The following SNTG1 variants were observed in gnomAD, a reference collection of about 807,000 sequenced individuals.
SNTG1 encodes gamma-1-syntrophin.
In SNTG1, 39 loss-of-function variants were observed where a neutral mutation model predicts 74.7. The ratio of observed to expected loss-of-function variants is 0.52; its 90% CI spans 0.40 to 0.68. The LOEUF is 0.68. SNTG1 is among the 30% of genes least tolerant of loss of function. The pLI is 0.00. For missense variants in SNTG1, 685 were observed against 609.5 expected (o/e 1.12, Z -1.30); for synonymous variants, 254 against 217.1 (o/e 1.17, Z -1.49).
chr8:50,650,836 G>C (rs866086945), intron 13 of SNTG1, among the ~76,000 whole-genome samples: 5 of 152,018 alleles, frequency 3.3e-5, no homozygotes, highest in Non-Finnish European at 7.4e-5. Context: ...GAGCAGCTGG[G>C]ATTACAAGCA....
chr8:50,060,103 G>T (rs2130930501), intron 1 of SNTG1, among the ~76,000 whole-genome samples: 1 of 152,244 alleles, frequency 6.6e-6, no homozygotes, highest in East Asian at 1.9e-4. Context: ...GATGGCTAAT[G>T]ATGGGAAGCA....
rs2081089323 is a variant in SNTG1 at position 50,124,697 on chromosome 8, A to G, written c.-102-47864A>G. On this transcript the variant is annotated intron_variant, in intron 1 of 18. Transcript: ENST00000642720. ...TAAGACAGAAAATGATCCTGTTCCCATGCCAAATTACCTCCAAGGGCTTTC... is the reference window on the plus strand; with the variant it reads ...TAAGACAGAAAATGATCCTGTTCCCGTGCCAAATTACCTCCAAGGGCTTTC... 1.4e-5 allele frequency among the ~76,000 whole-genome samples: 2 copies of G among 141,176 alleles called. 1 individual carries two copies. The highest frequency in any genetic ancestry group is 1.5e-4 in the Admixed American group (2 of 13,568). 92.6% of individuals were successfully genotyped at this position (141,176 alleles called of 152,430 possible).
chr8:50,337,160 A>C (rs938293482), intron 2 of SNTG1, among the ~76,000 whole-genome samples: 1 of 152,214 alleles, frequency 6.6e-6, no homozygotes, highest in African/African-American at 2.4e-5. Context: ...TCTTCTCTGC[A>C]TCAAGAACAA....
intron 15 of SNTG1, among the ~76,000 whole-genome samples, chr8:50,692,971 C>CCTTG (rs2095388502): frequency 6.6e-6 from 1 of 152,162 alleles, no homozygotes; most frequent in African/African-American, 2.4e-5. Context: ...CCTCCCCAAG[C>CCTTG]CTTGCTGCCA....
At chr8:50,188,983 G>C (rs1035039236) in intron 2 of SNTG1, among the ~76,000 whole-genome samples, 2 of 152,122 alleles carry the variant, frequency 1.3e-5, no homozygotes, top group African/African-American at 4.8e-5. Context: ...TGTGTTCTGG[G>C]CCTCACCCAG....
chr8:50,284,714 C>T (rs570370492), intron 2 of SNTG1, among the ~76,000 whole-genome samples: 7 of 152,014 alleles, frequency 4.6e-5, no homozygotes, highest in Admixed American at 1.3e-4. Flanking sequence ...TTCATTGTGG[C>T]TCACTGACAG....
rs185007785 is a variant in SNTG1, at chr8:50,314,879, C to T, written c.-27-79333C>T. The stretch of plus-strand genomic sequence containing the variant: ...TTTACTTTACCTAGTGTTGTAAGCA[C>T]TGGTGAACTTTTCTGTCTACTAGGT... On this transcript the variant is annotated intron_variant, in intron 2 of 18. Transcript: ENST00000642720. Among the ~76,000 whole-genome samples the T allele has an allele frequency of 2.0e-5, 3 of 149,808 alleles. No individual in the cohort carries two copies. In the East Asian group the frequency reaches 5.9e-4, roughly 30 times the overall value.
intron 1 of SNTG1, among the ~76,000 whole-genome samples, chr8:50,091,107 TA>T (rs1182811439): frequency 2.0e-5 from 3 of 152,098 alleles, no homozygotes; most frequent in Non-Finnish European, 2.9e-5. Context: ...TATTTGGTAA[TA>T]AAAATATATT....
chr8:50,730,498 G>C (rs2095510397), intron 17 of SNTG1, among the ~76,000 whole-genome samples: 1 of 152,118 alleles, frequency 6.6e-6, no homozygotes, highest in Non-Finnish European at 1.5e-5. Context: ...AAAGCTTTAT[G>C]CATTAACGAA....
chr8:50,028,357 GT>G (rs572286468), intron 1 of SNTG1, among the ~76,000 whole-genome samples: 3 of 152,032 alleles, frequency 2.0e-5, no homozygotes, highest in South Asian at 4.2e-4. Context: ...TTTAACCACT[GT>G]TTTTTTCCCA....
At chr8:50,157,788 A>T (rs1322778386) in intron 1 of SNTG1, among the ~76,000 whole-genome samples, 1 of 152,234 alleles carries the variant, frequency 6.6e-6, no homozygotes, top group East Asian at 1.9e-4. Context: ...CAGCACTGAG[A>T]CCTTTCCTGT....
chr8:50,713,182 A>G (rs2095466564), intron 17 of SNTG1, among the ~76,000 whole-genome samples: 1 of 152,140 alleles, frequency 6.6e-6, no homozygotes, highest in Non-Finnish European at 1.5e-5. Context: ...TGACTTTTCA[A>G]TGATCCCCAT....
chr8:50,773,983 G>T (rs1348346360), intron 18 of SNTG1, among the ~76,000 whole-genome samples: 1 of 151,984 alleles, frequency 6.6e-6, no homozygotes, highest in Non-Finnish European at 1.5e-5. Flanking sequence ...GAGATGAACT[G>T]AACAAAACAT....
intron 2 of SNTG1, among the ~76,000 whole-genome samples, chr8:50,284,847 C>T (rs2088675621): frequency 6.6e-6 from 1 of 151,964 alleles, no homozygotes; most frequent in South Asian, 2.1e-4. Flanking sequence ...AATAAACTCT[C>T]CTATATCCTT....
chr8:50,223,270 G>C (rs1056246422), intron 2 of SNTG1, among the ~76,000 whole-genome samples: 57 of 152,090 alleles, frequency 3.7e-4, no homozygotes, highest in African/African-American at 1.3e-3. Context: ...TAAAAACAAT[G>C]AATTCTACAC....
chr8:50,780,922 T>A lies in SNTG1; in HGVS notation c.1396-11749T>A, dbSNP rs1464645683. Among the ~76,000 whole-genome samples the A allele has an allele frequency of 2.0e-5, 3 of 152,212 alleles. No individual in the cohort carries two copies. The East Asian group carries it at 5.8e-4, about 29-fold the overall frequency. On this transcript the variant is annotated intron_variant, in intron 18 of 18. Coordinates refer to ENST00000642720, the MANE Select transcript of SNTG1 (RefSeq NM_018967.5). Reference sequence around the variant, plus strand: ...TATTGTGTCTTTGTTCTCGTTGCTTTCAAAGAACATCTTTATTTCTGCCTT... The same window carrying A: ...TATTGTGTCTTTGTTCTCGTTGCTTACAAAGAACATCTTTATTTCTGCCTT...
At position 50,721,837 on chromosome 8, in the gene SNTG1, G is replaced by A. The variant is rs549436681; in HGVS notation, c.1284+12859G>A. ...CAGAGATAACATAGGAAAGGGCCCA[G>A]CACAGTGAATGCCCATTTTAATAAA... On this transcript the variant is annotated intron_variant, in intron 17 of 18. Transcript: ENST00000642720. 7.2e-4 allele frequency among the ~76,000 whole-genome samples: 109 copies of A among 152,216 alleles called. 1 individual carries two copies. Among genetic ancestry groups the A allele is most frequent in the Non-Finnish European group, 1.1e-3 (77 of 68,016 alleles).
chr8:50,713,601 G>T (rs541848393), intron 17 of SNTG1, among the ~76,000 whole-genome samples: 1 of 152,242 alleles, frequency 6.6e-6, no homozygotes, highest in South Asian at 2.1e-4. Context: ...GGATGGAATT[G>T]CCTAGGTTTT....
intron 4 of SNTG1, among the ~76,000 whole-genome samples, chr8:50,435,808 G>A (rs535956482): frequency 5.1e-4 from 78 of 152,056 alleles, no homozygotes; most frequent in Admixed American, 1.4e-3. Flanking sequence ...GATTCTTTTG[G>A]TGGTTTCTGC....
Sources: allele counts gnomAD v4.1 joint callset (sites outside exome capture counted in the v4.1 genomes callset), GRCh38; gene constraint gnomAD v4.1.1; transcripts MANE v1.5; gene names NCBI Gene and HGNC (gene_info 2026-07-23, HGNC 2026-07-21).